The following IFNG-AS1 variants were observed in gnomAD, a reference collection of about 807,000 sequenced individuals.
IFNG-AS1 encodes the protein IFNG antisense RNA 1 (non-protein coding).
At chr12:68,009,483 A>G (rs1008132037) in intron 3 of IFNG-AS1, among the ~76,000 whole-genome samples, 3 of 152,268 alleles carry the variant, frequency 2.0e-5, no homozygotes, top group Middle Eastern at 3.4e-3. Context: ...CTGGGACTAC[A>G]GGCGCCCGCC....
At chr12:68,002,787 T>C (rs1879799238) in intron 2 of IFNG-AS1, among the ~76,000 whole-genome samples, 1 of 152,212 alleles carries the variant, frequency 6.6e-6, no homozygotes, top group African/African-American at 2.4e-5. Context: ...ATTAACATGA[T>C]ATTACTATAT....
intron 2 of IFNG-AS1, among the ~76,000 whole-genome samples, chr12:68,004,465 C>T (rs998826900): frequency 6.6e-5 from 10 of 152,152 alleles, no homozygotes; most frequent in African/African-American, 2.4e-4. Context: ...CTGATATAAT[C>T]GTGTGGTAGC....
At chr12:67,998,467 A>C (rs773964338) in intron 2 of IFNG-AS1, among the ~76,000 whole-genome samples, 16 of 151,776 alleles carry the variant, frequency 1.1e-4, no homozygotes. Context: ...AAAGAAAGAA[A>C]ACCACAAAAA....
At chr12:67,998,200 C>T (rs977357285) in intron 2 of IFNG-AS1, among the ~76,000 whole-genome samples, 5 of 151,964 alleles carry the variant, frequency 3.3e-5, no homozygotes, top group African/African-American at 1.2e-4. Flanking sequence ...TTAATTGTGA[C>T]ATTGTTGTTA....
intron 1 of IFNG-AS1, among the ~76,000 whole-genome samples, chr12:67,994,046 C>T (rs1432383720): frequency 6.6e-6 from 1 of 152,168 alleles, no homozygotes; most frequent in East Asian, 1.9e-4. Context: ...CCCCAAAACC[C>T]CACTCATTGT....
chr12:68,018,045 A>G (rs1880195722), intron 3 of IFNG-AS1, among the ~76,000 whole-genome samples: 1 of 151,682 alleles, frequency 6.6e-6, no homozygotes, highest in Non-Finnish European at 1.5e-5. Flanking sequence ...CCTTGTGAAA[A>G]TTTTCTATTT....
chr12:68,003,287 A>C (rs1879815663), intron 2 of IFNG-AS1, among the ~76,000 whole-genome samples: 1 of 152,100 alleles, frequency 6.6e-6, no homozygotes, highest in African/African-American at 2.4e-5. Flanking sequence ...CATCTTTTGA[A>C]TCTTCCTATC....
intron 3 of IFNG-AS1, among the ~76,000 whole-genome samples, chr12:68,017,644 A>T (rs1366567516): frequency 6.6e-6 from 1 of 152,172 alleles, no homozygotes; most frequent in Non-Finnish European, 1.5e-5. Context: ...GAGGCACTAA[A>T]TCCCTCTCTG....
intron 2 of IFNG-AS1, among the ~76,000 whole-genome samples, chr12:67,998,434 G>T (rs576098973): frequency 6.8e-6 from 1 of 147,686 alleles, no homozygotes; most frequent in Non-Finnish European, 1.5e-5. Flanking sequence ...ATGAAAGAGA[G>T]ACCAAAAAAA....
At chr12:68,018,747 C>CT (rs1295011375) in intron 3 of IFNG-AS1, among the ~76,000 whole-genome samples, 1 of 149,778 alleles carries the variant, frequency 6.7e-6, no homozygotes, top group Non-Finnish European at 1.5e-5. Context: ...TGAGTCCTTA[C>CT]TTTTTTTTTA....
chr12:68,021,194 T>C (rs1204861771), intron 4 of IFNG-AS1: 1 of 152,212 alleles, frequency 6.6e-6, no homozygotes, highest in African/African-American at 2.4e-5. Flanking sequence ...TAGTTTGTTT[T>C]CCCAATTTAA....
intron 3 of IFNG-AS1, among the ~76,000 whole-genome samples, chr12:68,006,978 A>T (rs1592825431): frequency 1.3e-5 from 2 of 152,366 alleles, no homozygotes; most frequent in East Asian, 3.8e-4. Flanking sequence ...AATAGTGATA[A>T]CTTGTTACAA....
At chr12:68,002,797 T>C (rs1034417331) in intron 2 of IFNG-AS1, among the ~76,000 whole-genome samples, 8 of 152,178 alleles carry the variant, frequency 5.3e-5, no homozygotes, top group African/African-American at 1.9e-4. Flanking sequence ...TATTACTATA[T>C]CCAAAGGAGC....
rs1164735835 is a variant in IFNG-AS1, at chr12:68,010,327, A to G, written n.241+4181A>G. 3.9e-5 allele frequency among the ~76,000 whole-genome samples: 6 copies of G among 152,216 alleles called. No individual in the cohort carries two copies. The South Asian group carries it at 1.2e-3, about 31-fold the overall frequency. On this transcript the variant is annotated intron_variant and non_coding_transcript_variant, in intron 3 of 5. Transcript: ENST00000536914. ...GTATAGGCCTCTTTAAAGAAAAAAA[A>G]TTCTCACTAAGCCACATGAATATAT... is the stretch of plus-strand genomic sequence containing the variant.
chr12:68,016,570 A>G (rs1053442991), intron 3 of IFNG-AS1, among the ~76,000 whole-genome samples: 12 of 152,136 alleles, frequency 7.9e-5, no homozygotes, highest in African/African-American at 2.9e-4. Context: ...CATCCTTCAT[A>G]TGGTTGCTGC....
chr12:67,992,360 C>A (rs1879537217), intron 1 of IFNG-AS1, among the ~76,000 whole-genome samples: 1 of 152,132 alleles, frequency 6.6e-6, no homozygotes, highest in Non-Finnish European at 1.5e-5. Context: ...TTAGTGGAAT[C>A]TTGGGTTGTT....
chr12:68,019,554 G>A (rs1341685348), intron 3 of IFNG-AS1, among the ~76,000 whole-genome samples: 1 of 152,108 alleles, frequency 6.6e-6, no homozygotes, highest in Admixed American at 6.6e-5. Flanking sequence ...ATATGATGAG[G>A]CCAACCTTGG....
chr12:67,994,870 G>A (rs1879598333), intron 1 of IFNG-AS1, among the ~76,000 whole-genome samples: 1 of 152,192 alleles, frequency 6.6e-6, no homozygotes, highest in Admixed American at 6.5e-5. Flanking sequence ...ATTATTGGCT[G>A]TGTTTAAAGA....
chr12:68,014,822 C>G (rs1880109809), intron 3 of IFNG-AS1, among the ~76,000 whole-genome samples: 1 of 151,460 alleles, frequency 6.6e-6, no homozygotes, highest in South Asian at 2.1e-4. Context: ...ACACAGACAC[C>G]CTATTGGTTC....
Sources: allele counts gnomAD v4.1 joint callset (sites outside exome capture counted in the v4.1 genomes callset), GRCh38; gene constraint gnomAD v4.1.1; transcripts MANE v1.5; gene names NCBI Gene and HGNC (gene_info 2026-07-23, HGNC 2026-07-21).